The following ATG16L1 variants were observed in gnomAD, a reference collection of about 807,000 sequenced individuals.
ATG16L1 encodes the protein autophagy related 16 like 1.
In ATG16L1, 37 loss-of-function variants were observed where a neutral mutation model predicts 88.5. That is an observed-to-expected ratio of 0.42 (90% CI 0.32 to 0.55). The LOEUF is 0.55. ATG16L1 is among the 20% of genes least tolerant of loss of function. The pLI is 0.13. For missense variants in ATG16L1, 554 were observed against 752.8 expected, an observed-to-expected ratio of 0.74 and a Z score of 3.09; for synonymous variants, 301 against 281.0, an observed-to-expected ratio of 1.07 and a Z score of -0.71.
chr2:233,258,001 CA>C lies in ATG16L1; in HGVS notation c.209+1822del, dbSNP rs57141358. Among the ~76,000 whole-genome samples, 475 of 88,786 alleles carry C rather than the reference CA, an allele frequency of 5.3e-3. 5 individuals carry two copies. The highest frequency in any genetic ancestry group is 0.013 in the African/African-American group (376 of 29,726). The allele number at this position is 88,786 out of a possible 152,430, so 58.2% of individuals were successfully genotyped here. ...TGGGTGACAGAGCGAGACTCCGTCT[CA>C]AAAAAAAAAAAAAAATATCTATATA... On this transcript the variant is annotated intron_variant, in intron 2 of 17. Transcript: ENST00000392017.
chr2:233,281,162 A>G lies in ATG16L1; in HGVS notation c.1118A>G (p.Glu373Gly). The change falls in exon 11 of 18, where the codon GAA (glutamate) becomes GGA (glycine). Residue 373 changes from glutamate to glycine, a missense_variant. Glu to Gly is a moderately conservative substitution (Grantham distance 98). This residue lies in a region of ATG16L1 where 370 missense variants were observed against 509.7 expected (regional missense o/e 0.73). Transcript: ENST00000392017. Reference protein sequence around the residue: ...SGSNAGITSIEFDSAGSYLLA... With the variant: ...SGSNAGITSIGFDSAGSYLLA... ...AGTAATGCAGGAATTACAAGCATTG[A>G]ATTTGATAGTGCTGTAAGTATTGAA... is the stretch of plus-strand genomic sequence containing the variant. 2 of 1,601,590 alleles carry G rather than the reference A, an allele frequency of 1.2e-6. No individual in the cohort carries two copies. Among genetic ancestry groups the G allele is most frequent in the South Asian group, 1.1e-5 (1 of 88,136 alleles).
rs370820742 is a variant in ATG16L1, at chr2:233,294,610, A to G, written c.*260A>G. 1.0e-3 allele frequency: 344 copies of G among 339,088 alleles called. 8 individuals are homozygous for G. The South Asian group carries it at 0.015, about 15-fold the overall frequency. The allele number at this position is 339,088 out of a possible 1,614,324, so 21.0% of individuals were successfully genotyped here. A position where few individuals can be genotyped will look rare whatever the true frequency, so the allele number is the denominator to read the frequency against. ...GGCTCAGGTTCTTGCCTTGGGAAACACTACTAGCTCTGACCTTCCATACCT... is the reference window on the plus strand; with the variant it reads ...GGCTCAGGTTCTTGCCTTGGGAAACGCTACTAGCTCTGACCTTCCATACCT... On this transcript the variant is annotated 3_prime_UTR_variant, in exon 18 of 18. Coordinates refer to ENST00000392017, the MANE Select transcript of ATG16L1 (RefSeq NM_030803.7).
chr2:233,285,589 C>T (rs1699019570), intron 12 of ATG16L1, among the ~76,000 whole-genome samples: 1 of 152,228 alleles, frequency 6.6e-6, no homozygotes, highest in South Asian at 2.1e-4. Flanking sequence ...CTGGCCTGCT[C>T]ATAACCTTGT....
Position 233,294,385 on chromosome 2 carries a change from T to C in ATG16L1, c.*35T>C, listed in dbSNP as rs562160850. The C allele has an allele frequency of 1.9e-6, 3 of 1,565,244 alleles. No homozygotes were observed. The highest frequency in any genetic ancestry group is 2.2e-5 in the East Asian group (1 of 44,514). ...CAGGGCTGGGAGGACCCCAGTGCCC[T>C]CCTCAGAAGAAGCACATGGGCTCCT... On this transcript the variant is annotated 3_prime_UTR_variant, in exon 18 of 18. Transcript: ENST00000392017.
chr2:233,275,548 G>A, intron 9 of ATG16L1: 1 of 359,044 alleles, frequency 2.8e-6, no homozygotes, highest in South Asian at 2.1e-5. Context: ...GGGAGCTTTG[G>A]GTTCCAGGTA....
At chr2:233,261,413 A>T (rs962919623) in intron 2 of ATG16L1, among the ~76,000 whole-genome samples, 30 of 152,244 alleles carry the variant, frequency 2.0e-4, no homozygotes, top group African/African-American at 7.0e-4. Flanking sequence ...GGGAGATTTG[A>T]TAATTATTCT....
chr2:233,290,202 C>G (rs373978227), intron 13 of ATG16L1, 46 bp from the exon 14 acceptor site: 196 of 1,588,760 alleles, frequency 1.2e-4, no homozygotes, highest in Non-Finnish European at 1.7e-4. Context: ...TGTAAACAGC[C>G]ACGTTGGTGC....
chr2:233,251,968 A>T, intron 1 of ATG16L1, 26 bp downstream of exon 1: 3 of 1,492,400 alleles, frequency 2.0e-6, no homozygotes, highest in Non-Finnish European at 2.7e-6. Flanking sequence ...GCGGGCTGGG[A>T]GTGGGGCGGG....
In ATG16L1 at chr2:233,251,860, C is replaced by A. The variant is rs1696391540; in HGVS notation, c.33C>A (p.Pro11=). MSSGLRAADF[P]RWKRHISEQL... ...CGGGCCTCCGCGCCGCTGACTTCCC[C>A]CGCTGGAAGCGCCACATCTCGGAGC... The change falls in exon 1 of 18, where the codon CCC becomes CCA. Residue 11 remains proline, a synonymous_variant. Coordinates refer to ENST00000392017, the MANE Select transcript of ATG16L1 (RefSeq NM_030803.7). The A allele has an allele frequency of 1.3e-6, 2 of 1,550,372 alleles. No homozygotes were observed. The highest frequency in any genetic ancestry group is 1.7e-6 in the Non-Finnish European group (2 of 1,147,146).
At chr2:233,274,828 G>A (rs1487025780) in intron 9 of ATG16L1, 50 bp downstream of exon 9, 2 of 1,389,114 alleles carry the variant, frequency 1.4e-6, no homozygotes, top group African/African-American at 2.8e-5. Context: ...TGGTGACAGA[G>A]CCTGGCAATT....
chr2:233,263,629 C>T lies in ATG16L1; in HGVS notation c.316-363C>T, dbSNP rs1277909711. ...AAAGAATCAAGTCCTAGGCTGTGTT[C>T]GCCTGGATGGTGGTCTTACGGCAAA... is the stretch of plus-strand genomic sequence containing the variant. On this transcript the variant is annotated intron_variant, in intron 3 of 17. Transcript: ENST00000392017. 2.0e-5 allele frequency among the ~76,000 whole-genome samples: 3 copies of T among 152,176 alleles called. No individual in the cohort carries two copies. In the East Asian group the frequency reaches 5.8e-4, roughly 29 times the overall value.
intron 10 of ATG16L1, among the ~76,000 whole-genome samples, chr2:233,278,363 G>A (rs1698512191): frequency 6.6e-6 from 1 of 152,212 alleles, no homozygotes; most frequent in Non-Finnish European, 1.5e-5. Context: ...ACTAAAGTAA[G>A]GCCGAAGAAT....
rs375227783 is a variant in ATG16L1, at chr2:233,295,083, G to C, written c.*733G>C. 1.3e-5 allele frequency: 2 copies of C among 152,442 alleles called. No homozygotes were observed. The highest frequency in any genetic ancestry group is 4.8e-5 in the African/African-American group (2 of 41,432). 9.4% of individuals were successfully genotyped at this position (152,442 alleles called of 1,614,324 possible). A position where few individuals can be genotyped will look rare whatever the true frequency, so the allele number is the denominator to read the frequency against. On this transcript the variant is annotated 3_prime_UTR_variant, in exon 18 of 18. Transcript: ENST00000392017. The stretch of plus-strand genomic sequence containing the variant: ...AGAGGTAAGGATGTGTTCCTGTATC[G>C]ATCTGCAGACACCCAGAAGGTGGGT...
At position 233,251,732 on chromosome 2, in the gene ATG16L1, G is replaced by C. The variant is rs143176606; in HGVS notation, c.-96G>C. On this transcript the variant is annotated 5_prime_UTR_variant, in exon 1 of 18. Transcript: ENST00000392017. ...TGTGGAGGTGAGCTCCGGGATTGCC[G>C]GCATTCCCGCTTCTGCTGGTTGCTT... 1.3e-3 allele frequency: 1,439 copies of C among 1,138,482 alleles called. 13 individuals are homozygous for C. The African/African-American group carries it at 0.02, about 16-fold the overall frequency. 70.5% of individuals were successfully genotyped at this position (1,138,482 alleles called of 1,614,324 possible).
intron 8 of ATG16L1, 41 bp downstream of exon 8, chr2:233,273,818 T>C (rs759544513): frequency 1.3e-6 from 2 of 1,590,150 alleles, no homozygotes. Flanking sequence ...TGTATAAGTA[T>C]ACCTAAGTAT....
At chr2:233,269,887 G>T in intron 5 of ATG16L1, 115 bp from the exon 6 acceptor site, 3 of 1,004,328 alleles carry the variant, frequency 3.0e-6, no homozygotes, top group Non-Finnish European at 4.2e-6. Flanking sequence ...CAGGGTAGTT[G>T]TTATTTTACA....
intron 12 of ATG16L1, among the ~76,000 whole-genome samples, chr2:233,285,273 G>A (rs1699001193): frequency 6.6e-6 from 1 of 152,134 alleles, no homozygotes; most frequent in Non-Finnish European, 1.5e-5. Flanking sequence ...TTTTTTTTAT[G>A]ATAGTCCCTT....
chr2:233,267,983 C>T (rs1340576503), intron 5 of ATG16L1, among the ~76,000 whole-genome samples: 4 of 152,182 alleles, frequency 2.6e-5, no homozygotes, highest in Admixed American at 1.3e-4. Context: ...AGAAGCCTTC[C>T]TGCGTCATTA....
At chr2:233,269,902 C>T (rs908273407) in intron 5 of ATG16L1, 100 bp from the exon 6 acceptor site, 3 of 1,192,568 alleles carry the variant, frequency 2.5e-6, no homozygotes, top group Admixed American at 5.4e-5. Flanking sequence ...TTTACATGCA[C>T]TGAATGTGTT....
Sources: gnomAD v4.1 joint callset for allele counts (sites outside exome capture counted in the v4.1 genomes callset) on GRCh38, gnomAD v4.1.1 for gene constraint, gnomAD v4.1.1 regional missense constraint, MANE v1.5 for transcripts, NCBI Gene and HGNC (gene_info 2026-07-23, HGNC 2026-07-21) for gene names.